ACACA: variants seen among roughly 807,000 people sequenced by gnomAD.
ACACA encodes acetyl-CoA carboxylase alpha, also known as acetyl-CoA carboxylase 1.
A neutral mutation model predicts 296.1 loss-of-function variants in ACACA; 103 were observed. The ratio of observed to expected loss-of-function variants is 0.35; its 90% CI spans 0.30 to 0.41. ACACA has a LOEUF of 0.41. Among genes scored for constraint, ACACA ranks in the 10% least tolerant of loss-of-function variants. The probability of loss-of-function intolerance (pLI) is 1.00; values close to 1 mark genes in which losing one functional copy is unlikely to be tolerated. For synonymous variants in ACACA, 953 were observed against 1,038.6 expected (o/e 0.92, Z 1.58); for missense variants, 1,554 against 2,989.7 (o/e 0.52, Z 11.20).
At chr17:37,163,918 C>T (rs1282514040) in intron 41 of ACACA, among the ~76,000 whole-genome samples, 1 of 152,156 alleles carries the variant, frequency 6.6e-6, no homozygotes, top group Admixed American at 6.5e-5. Context: ...CTAGTCAATC[C>T]TTCTACTTGT....
chr17:37,383,673 G>A lies in ACACA; in HGVS notation c.38+22589C>T, dbSNP rs139572257. Among the ~76,000 whole-genome samples the A allele has an allele frequency of 2.8e-4, 42 of 152,236 alleles. No homozygotes were observed. The East Asian group carries it at 6.0e-3, about 22-fold the overall frequency. ...AGCAATTCTCGTGCTTCAGCCTCTCGAGTAGCTGGGATTACAGCACCACCA... is the reference window on the plus strand; with the variant it reads ...AGCAATTCTCGTGCTTCAGCCTCTCAAGTAGCTGGGATTACAGCACCACCA... On this transcript the variant is annotated intron_variant, in intron 1 of 55. Transcript: ENST00000616317.
chr17:37,173,997 TATATATATATATATATATA>T (rs2076991209), intron 41 of ACACA, among the ~76,000 whole-genome samples: 19 of 11,614 alleles, frequency 1.6e-3, no homozygotes, highest in African/African-American at 4.1e-3. Context: ...TATATATATA[TATATATATATATATATATA>T]TATATTTTTT....
At chr17:37,337,305 A>G (rs773390016) in intron 2 of ACACA, among the ~76,000 whole-genome samples, 30 of 151,936 alleles carry the variant, frequency 2.0e-4, no homozygotes, top group Non-Finnish European at 4.1e-4. Flanking sequence ...AGTCCCAGCT[A>G]CTGGGGAGGC....
intron 52 of ACACA, among the ~76,000 whole-genome samples, chr17:37,107,682 C>T (rs1473088555): frequency 1.3e-5 from 2 of 152,244 alleles, no homozygotes; most frequent in Non-Finnish European, 1.5e-5. Flanking sequence ...TGCCTGGGAA[C>T]AGGGCCACAA....
At chr17:37,274,685 T>C (rs1025448057) in intron 8 of ACACA, 1 of 985,248 alleles carries the variant, frequency 1.0e-6, no homozygotes, top group Non-Finnish European at 1.2e-6. Context: ...TCAATCTTTA[T>C]GAGCCCTTGG....
At chr17:37,209,889 C>G (rs187530037) in intron 30 of ACACA, among the ~76,000 whole-genome samples, 90 of 152,280 alleles carry the variant, frequency 5.9e-4, no homozygotes, top group Non-Finnish European at 2.6e-4. Context: ...AACCTCCACA[C>G]AGGGTTAAAC....
Position 37,248,113 on chromosome 17 carries a change from C to A in ACACA, c.2207G>T (p.Gly736Val), listed in dbSNP as rs747456606. The change falls in exon 18 of 56, where the codon GGC (glycine) becomes GTC (valine). Residue 736 changes from glycine (G) to valine (V), a missense_variant. Coordinates refer to ENST00000616317, the MANE Select transcript of ACACA (RefSeq NM_198834.3). Reference protein sequence around the residue: ...SPNSYVVIMNGSCVEVDVHRL... With the variant: ...SPNSYVVIMNVSCVEVDVHRL... ...ATGTACATCTACTTCTACACATGAG[C>A]CATTCATGATCACCACATAGGAGTT... The A allele has an allele frequency of 5.6e-6, 9 of 1,614,030 alleles. No individual in the cohort carries two copies. Among genetic ancestry groups the A allele is most frequent in the Non-Finnish European group, 7.6e-6 (9 of 1,180,026 alleles).
In ACACA at chr17:37,241,443, G is replaced by A. The variant is rs1216711882; in HGVS notation, c.3032+510C>T. Among the ~76,000 whole-genome samples, 11 of 152,240 alleles carry A rather than the reference G, an allele frequency of 7.2e-5. No homozygotes were observed. In the East Asian group the frequency reaches 2.1e-3, roughly 29 times the overall value. On this transcript the variant is annotated intron_variant, in intron 23 of 55. Coordinates refer to ENST00000616317, the MANE Select transcript of ACACA (RefSeq NM_198834.3). ...TGACAGGCTGGACGCAGTGGCTCAT[G>A]CCTGTAATCCCAACAGTTTGGGAGG...
At chr17:37,111,509 C>T in intron 52 of ACACA, 22 bp downstream of exon 52, 1 of 1,574,148 alleles carries the variant, frequency 6.4e-7, no homozygotes, top group Non-Finnish European at 8.7e-7. Flanking sequence ...CATTGATTTG[C>T]CAGAAGGACA....
chr17:37,090,274 C>G (rs1299722873), intron 54 of ACACA, among the ~76,000 whole-genome samples: 1 of 152,212 alleles, frequency 6.6e-6, no homozygotes, highest in Non-Finnish European at 1.5e-5. Flanking sequence ...TCTTTTCAGA[C>G]TGTCACTTCC....
chr17:37,260,282 A>G lies in ACACA; in HGVS notation c.1330-752T>C, dbSNP rs183207888. On this transcript the variant is annotated intron_variant, in intron 11 of 55. Transcript: ENST00000616317. ...TATATATATATATATATATATATAT[A>G]TATATATATATATATTTTTTTTTTT... is the stretch of plus-strand genomic sequence containing the variant. Among the ~76,000 whole-genome samples the G allele has an allele frequency of 4.8e-4, 17 of 35,604 alleles. No individual in the cohort carries two copies. In the South Asian group the frequency reaches 5.5e-3, roughly 12 times the overall value. The allele number at this position is 35,604 out of a possible 152,430, so 23.4% of individuals were successfully genotyped here. A position where few individuals can be genotyped will look rare whatever the true frequency, so the allele number is the denominator to read the frequency against.
rs927613686 is a variant in ACACA at position 37,086,749 on chromosome 17, T to C, written c.*567A>G. The C allele has an allele frequency of 1.3e-5, 2 of 157,902 alleles. No individual in the cohort carries two copies. The highest frequency in any genetic ancestry group is 2.4e-5 in the African/African-American group (1 of 41,542). The allele number at this position is 157,902 out of a possible 1,614,324, so 9.8% of individuals were successfully genotyped here. ...CTTGTAGTAGATTTTATGCTCTAAT[T>C]TTTCTTCATAAAAGGTACCGTAGTG... On this transcript the variant is annotated 3_prime_UTR_variant, in exon 56 of 56. Transcript: ENST00000616317.
Position 37,338,344 on chromosome 17 carries a change from A to G in ACACA, c.85+1460T>C, listed in dbSNP as rs28477683. On this transcript the variant is annotated intron_variant, in intron 2 of 55. Coordinates refer to ENST00000616317, the MANE Select transcript of ACACA (RefSeq NM_198834.3). Reference sequence around the variant, plus strand: ...AAAGTTCAAGATCAGCCTGCCCAACATGGGGAAACCCCATCTCTACTAAAA... The same window carrying G: ...AAAGTTCAAGATCAGCCTGCCCAACGTGGGGAAACCCCATCTCTACTAAAA... Among the ~76,000 whole-genome samples, 1,466 of 152,136 alleles carry G rather than the reference A, an allele frequency of 9.6e-3. 20 individuals carry two copies. The highest frequency in any genetic ancestry group is 0.034 in the African/African-American group (1,392 of 41,540).
chr17:37,155,375 C>T (rs2076198631), intron 43 of ACACA, among the ~76,000 whole-genome samples: 1 of 151,986 alleles, frequency 6.6e-6, no homozygotes, highest in African/African-American at 2.4e-5. Flanking sequence ...GAAAAGACAG[C>T]AAGTGTATAA....
chr17:37,119,098 C>A (rs2074395115), intron 50 of ACACA, among the ~76,000 whole-genome samples: 1 of 152,114 alleles, frequency 6.6e-6, no homozygotes, highest in Non-Finnish European at 1.5e-5. Context: ...TCCCAGGTCT[C>A]AACAAAAATA....
intron 1 of ACACA, among the ~76,000 whole-genome samples, chr17:37,398,120 C>T (rs1004620002): frequency 5.3e-5 from 8 of 150,532 alleles, no homozygotes; most frequent in African/African-American, 2.0e-4. Context: ...CTCCCAGCTA[C>T]TCAGGAGCCT....
At chr17:37,289,704 G>A (rs1174036517) in intron 3 of ACACA, among the ~76,000 whole-genome samples, 1 of 152,134 alleles carries the variant, frequency 6.6e-6, no homozygotes, top group Admixed American at 6.5e-5. Context: ...ATCCACCACT[G>A]CATTATAGTA....
chr17:37,214,850 T>C (rs900118037), intron 29 of ACACA, among the ~76,000 whole-genome samples: 4 of 152,188 alleles, frequency 2.6e-5, no homozygotes, highest in African/African-American at 9.6e-5. Flanking sequence ...CAACAAGTGC[T>C]CCCACTGCAG....
At chr17:37,334,575 A>G (rs772906111) in intron 2 of ACACA, among the ~76,000 whole-genome samples, 2 of 152,130 alleles carry the variant, frequency 1.3e-5, no homozygotes, top group African/African-American at 2.4e-5. Context: ...AATCCATGAG[A>G]CAATGCTAGC....
Sources: allele counts gnomAD v4.1 joint callset (sites outside exome capture counted in the v4.1 genomes callset), GRCh38; gene constraint gnomAD v4.1.1; transcripts MANE v1.5; gene names NCBI Gene and HGNC (gene_info 2026-07-23, HGNC 2026-07-21).